CUL9: variants seen among roughly 807,000 people sequenced by gnomAD.
The protein encoded by CUL9 is cullin 9.
A neutral mutation model predicts 272.6 loss-of-function variants in CUL9; 79 were observed. The observed-to-expected ratio is 0.29, with a 90% CI of 0.24 to 0.35. CUL9 has a LOEUF of 0.35. Ranked by LOEUF, CUL9 falls within the 10% of genes least tolerant of loss-of-function variation. The pLI is 1.00. For missense variants in CUL9, 2,532 were observed against 3,255.6 expected, an observed-to-expected ratio of 0.78 and a Z score of 5.41; for synonymous variants, 1,186 against 1,286.5, an observed-to-expected ratio of 0.92 and a Z score of 1.67.
chr6:43,211,367 G>C (rs1775464709), intron 26 of CUL9, among the ~76,000 whole-genome samples: 1 of 152,174 alleles, frequency 6.6e-6, no homozygotes, highest in Non-Finnish European at 1.5e-5. Context: ...AGAGCAGCCT[G>C]GCCAAGATGG....
Position 43,204,981 on chromosome 6 carries a change from C to T in CUL9, c.4498C>T (p.Arg1500Cys), listed in dbSNP as rs764576161. The T allele has an allele frequency of 2.1e-5, 34 of 1,612,048 alleles. No individual in the cohort carries two copies. Among genetic ancestry groups the T allele is most frequent in the Non-Finnish European group, 2.5e-5 (30 of 1,178,794 alleles). Reference protein sequence around the residue: ...AAWRAPDFVPRYCKLYEHLQR... With the variant: ...AAWRAPDFVPCYCKLYEHLQR... The stretch of plus-strand genomic sequence containing the variant: ...TTGGAGGGCCCCAGACTTTGTGCCT[C>T]GTTACTGTAAACTCTATGAGCACTT... Residue 1500 changes from arginine to cysteine, a missense_variant, in exon 23 of 41, where the codon CGT becomes TGT. By Grantham distance (180) the Arg-to-Cys change is radical. Coordinates refer to ENST00000252050, the MANE Select transcript of CUL9 (RefSeq NM_015089.4).
intron 11 of CUL9, among the ~76,000 whole-genome samples, chr6:43,197,696 C>G (rs1231420592): frequency 6.6e-6 from 1 of 151,778 alleles, no homozygotes; most frequent in Non-Finnish European, 1.5e-5. Context: ...GTTGGTCAGG[C>G]CGGTTTTGAA....
chr6:43,221,578 C>T lies in CUL9; in HGVS notation c.6753-107C>T, dbSNP rs1335737058. The T allele has an allele frequency of 3.0e-5, 32 of 1,065,462 alleles. No homozygotes were observed. The highest frequency in any genetic ancestry group is 3.9e-5 in the Non-Finnish European group (28 of 725,208). 66.0% of individuals were successfully genotyped at this position (1,065,462 alleles called of 1,614,324 possible). A position where few individuals can be genotyped will look rare whatever the true frequency, so the allele number is the denominator to read the frequency against. ...GGTATGACTAAGGAGACTATCAGGG[C>T]AGGAGCAGAGGCCACAGCATCAACA... On this transcript the variant is annotated intron_variant, in intron 34 of 40. Coordinates refer to ENST00000252050, the MANE Select transcript of CUL9 (RefSeq NM_015089.4). The surrounding 1 kb of genome is among the most constrained non-coding windows in gnomAD (Gnocchi z 4.2).
rs1376217080 is a variant in CUL9 at position 43,204,944 on chromosome 6, C to A, written c.4461C>A (p.Phe1487Leu). 1 of 1,607,918 alleles carries A rather than the reference C, an allele frequency of 6.2e-7. No individual in the cohort carries two copies. Among genetic ancestry groups the A allele is most frequent in the Admixed American group, 1.7e-5 (1 of 59,450 alleles). ...LSVVQEQVSR[F>L]LAAAWRAPDF... Reference sequence around the variant, plus strand: ...GCCTTTCTCCTCAGGTCAGCAGATTCCTGGCTGCAGCTTGGAGGGCCCCAG... The same window carrying A: ...GCCTTTCTCCTCAGGTCAGCAGATTACTGGCTGCAGCTTGGAGGGCCCCAG... Residue 1487 changes from phenylalanine to leucine, a missense_variant, in exon 23 of 41, where the codon TTC becomes TTA. By Grantham distance (22) the Phe-to-Leu change is conservative. Transcript: ENST00000252050.
intron 31 of CUL9, among the ~76,000 whole-genome samples, chr6:43,217,688 CT>C (rs1408431963): frequency 3.3e-5 from 5 of 152,210 alleles, no homozygotes; most frequent in African/African-American, 9.6e-5. Context: ...GGCTGTGCTT[CT>C]GGCTTCTCCT....
At position 43,201,657 on chromosome 6, in the gene CUL9, T is replaced by A. The variant is rs1019243965; in HGVS notation, c.3647+823T>A. Among the ~76,000 whole-genome samples the A allele has an allele frequency of 4.6e-5, 7 of 152,224 alleles. No homozygotes were observed. In the East Asian group the frequency reaches 1.2e-3, roughly 25 times the overall value. On this transcript the variant is annotated intron_variant, in intron 16 of 40. Coordinates refer to ENST00000252050, the MANE Select transcript of CUL9 (RefSeq NM_015089.4). ...ACCACGCCTGGCTAATTTTTTGTAT[T>A]TTTAGTAGAGACGGGGTTTCACCGT...
Position 43,184,705 on chromosome 6 carries a change from A to C in CUL9, c.395A>C (p.Glu132Ala). The change falls in exon 2 of 41, where the codon GAA becomes GCA. Residue 132 changes from glutamate to alanine, a missense_variant. Physicochemically the swap from Glu to Ala is moderately radical, Grantham distance 107. Around this residue, in one of 3 missense-constraint regions of CUL9, gnomAD observed 2,218 missense variants for 2,788.6 expected, o/e 0.80. Transcript: ENST00000252050. This position sits in a 1 kb window ranked among gnomAD's most constrained non-coding sequence, Gnocchi z 4.8. ...CGCAGGGCGGCCAGGCAGCTGGCAG[A>C]AAGTGGGACCCCAAGCCTCACGGCC... ...LVRRAARQLAESGTPSLTAAV... is the reference protein window; with the variant it reads ...LVRRAARQLAASGTPSLTAAV... 4 of 1,613,900 alleles carry C rather than the reference A, an allele frequency of 2.5e-6. No individual in the cohort carries two copies. The highest frequency in any genetic ancestry group is 3.4e-6 in the Non-Finnish European group (4 of 1,179,782).
intron 4 of CUL9, 98 bp from the exon 5 acceptor site, chr6:43,186,862 G>C: frequency 6.8e-7 from 1 of 1,471,172 alleles, no homozygotes; most frequent in African/African-American, 1.4e-5. Context: ...GTGCGCCCCA[G>C]ATCTATGCTT....
chr6:43,184,518 C>T lies in CUL9; in HGVS notation c.208C>T (p.Pro70Ser), dbSNP rs373954536. 1 of 1,612,650 alleles carries T rather than the reference C, an allele frequency of 6.2e-7. No homozygotes were observed. The highest frequency in any genetic ancestry group is 8.5e-7 in the Non-Finnish European group (1 of 1,178,974). The change falls in exon 2 of 41, where the codon CCT becomes TCT. Residue 70 changes from proline to serine, a missense_variant. Physicochemically the swap from Pro to Ser is moderately conservative, Grantham distance 74. Transcript: ENST00000252050. The surrounding 1 kb of genome is among the most constrained non-coding windows in gnomAD (Gnocchi z 4.8). ...GCACATCCTCATGTGGCTGTCGGCTCCTGAGGTCTACGCCAACTGCCCTGG... is the reference window on the plus strand; with the variant it reads ...GCACATCCTCATGTGGCTGTCGGCTTCTGAGGTCTACGCCAACTGCCCTGG... ...AEHILMWLSA[P>S]EVYANCPGLL...
chr6:43,200,044 A>T lies in CUL9; in HGVS notation c.3272A>T (p.His1091Leu), dbSNP rs754194328. The T allele has an allele frequency of 6.2e-7, 1 of 1,614,130 alleles. No homozygotes were observed. The highest frequency in any genetic ancestry group is 1.7e-5 in the Admixed American group (1 of 60,016). The part of the protein sequence containing the change: ...KEILSKVLDK[H>L]SAQLLLGCEL... ...ATCCTCTCCAAAGTCCTGGACAAGCACTCAGCTCAGCTGCTGCTGGGCTGT... is the reference window on the plus strand; with the variant it reads ...ATCCTCTCCAAAGTCCTGGACAAGCTCTCAGCTCAGCTGCTGCTGGGCTGT... Residue 1091 changes from histidine to leucine, a missense_variant, in exon 14 of 41, where the codon CAC becomes CTC. By Grantham distance (99) the His-to-Leu change is moderately conservative. This residue lies in a region of CUL9 where 2,218 missense variants were observed against 2,788.6 expected (regional missense o/e 0.80). Coordinates refer to ENST00000252050, the MANE Select transcript of CUL9 (RefSeq NM_015089.4). The surrounding 1 kb of genome is among the most constrained non-coding windows in gnomAD (Gnocchi z 4.0).
chr6:43,214,977 A>C, intron 29 of CUL9, 102 bp from the exon 30 acceptor site: 1 of 1,170,392 alleles, frequency 8.5e-7, no homozygotes. Context: ...ACTGTCTCTT[A>C]AAAAAAAAGG....
In CUL9 at chr6:43,199,788, A is replaced by G. The variant is rs1774355431; in HGVS notation, c.3157-141A>G. Reference sequence around the variant, plus strand: ...ACTCCTCTATTTTACTCCACCCTGAATTTGGTACTCTTGTTTCCCTGGGCG... The same window carrying G: ...ACTCCTCTATTTTACTCCACCCTGAGTTTGGTACTCTTGTTTCCCTGGGCG... On this transcript the variant is annotated intron_variant, in intron 13 of 40. Coordinates refer to ENST00000252050, the MANE Select transcript of CUL9 (RefSeq NM_015089.4). The surrounding 1 kb of genome is among the most constrained non-coding windows in gnomAD (Gnocchi z 4.4). The G allele has an allele frequency of 1.6e-5, 11 of 689,454 alleles. No individual in the cohort carries two copies. Among genetic ancestry groups the G allele is most frequent in the Non-Finnish European group, 2.8e-5 (11 of 396,736 alleles). The allele number at this position is 689,454 out of a possible 1,614,324, so 42.7% of individuals were successfully genotyped here. A position where few individuals can be genotyped will look rare whatever the true frequency, so the allele number is the denominator to read the frequency against.
intron 8 of CUL9, among the ~76,000 whole-genome samples, chr6:43,192,484 A>G (rs1324136202): frequency 6.6e-6 from 1 of 152,200 alleles, no homozygotes; most frequent in African/African-American, 2.4e-5. Flanking sequence ...CAGTCTGGGA[A>G]ACATAGCGAA....
At position 43,186,117 on chromosome 6, in the gene CUL9, G is replaced by A. The variant is rs760749913; in HGVS notation, c.913G>A (p.Ala305Thr). Residue 305 changes from alanine to threonine, a missense_variant, in exon 4 of 41, where the codon GCT (alanine) becomes ACT (threonine). By Grantham distance (58) the Ala-to-Thr change is moderately conservative (BLOSUM62 0). This residue lies in a region of CUL9 where 2,218 missense variants were observed against 2,788.6 expected (regional missense o/e 0.80). Transcript: ENST00000252050. ...RGQRELEFSM[A>T]VGNLISELVR... ...ACAGCGGGAACTGGAGTTCAGCATG[G>A]CTGTGGGCAACCTCATCTCTGAGCT... 5.6e-6 allele frequency: 9 copies of A among 1,614,250 alleles called. No individual in the cohort carries two copies. In the East Asian group the frequency reaches 1.8e-4, roughly 32 times the overall value.
Position 43,224,569 on chromosome 6 carries a change from G to T in CUL9, c.*124G>T. On this transcript the variant is annotated 3_prime_UTR_variant, in exon 41 of 41. Transcript: ENST00000252050. The surrounding 1 kb of genome is among the most constrained non-coding windows in gnomAD (Gnocchi z 4.2). ...TAGTGCTTCCTGTTTGCTGAATAAAGGTCTCTTTCTCACACACATCTCTGG... is the reference window on the plus strand; with the variant it reads ...TAGTGCTTCCTGTTTGCTGAATAAATGTCTCTTTCTCACACACATCTCTGG... 1 of 927,802 alleles carries T rather than the reference G, an allele frequency of 1.1e-6. No individual in the cohort carries two copies. The highest frequency in any genetic ancestry group is 1.6e-6 in the Non-Finnish European group (1 of 633,242). The allele number at this position is 927,802 out of a possible 1,614,324, so 57.5% of individuals were successfully genotyped here. A position where few individuals can be genotyped will look rare whatever the true frequency, so the allele number is the denominator to read the frequency against.
At chr6:43,217,373 A>G (rs1399090378) in intron 31 of CUL9, among the ~76,000 whole-genome samples, 2 of 152,182 alleles carry the variant, frequency 1.3e-5, no homozygotes, top group African/African-American at 4.8e-5. Context: ...TTCTTGCTCT[A>G]TAGGCTTGCT....
At chr6:43,196,352 A>G in intron 10 of CUL9, 87 bp downstream of exon 10, 1 of 1,312,020 alleles carries the variant, frequency 7.6e-7, no homozygotes, top group Non-Finnish European at 1.0e-6. Flanking sequence ...ACTCCACAGA[A>G]ATTCCCCTCA....
At position 43,193,064 on chromosome 6, in the gene CUL9, C is replaced by A. The variant is rs1047805930; in HGVS notation, c.2244C>A (p.Val748=). 1 of 1,614,162 alleles carries A rather than the reference C, an allele frequency of 6.2e-7. No individual in the cohort carries two copies. The highest frequency in any genetic ancestry group is 1.1e-5 in the South Asian group (1 of 91,074). Residue 748 remains valine (V), a synonymous_variant, in exon 9 of 41, where the codon GTC becomes GTA. Transcript: ENST00000252050. The stretch of plus-strand genomic sequence containing the variant: ...ACCAGGTGGGAGAGAAGATGGTGGT[C>A]GTGCAGGCCCTGCGCCTCCTTTACC... The part of the protein sequence containing the change: ...LTNQVGEKMV[V]VQALRLLYLL...
In CUL9 at chr6:43,203,978, A is replaced by G. The variant is rs754624059; in HGVS notation, c.4150A>G (p.Thr1384Ala). 6.3e-7 allele frequency: 1 copy of G among 1,599,566 alleles called. No individual in the cohort carries two copies. Among genetic ancestry groups the G allele is most frequent in the African/African-American group, 1.3e-5 (1 of 74,546 alleles). The change falls in exon 20 of 41, where the codon ACC (threonine) becomes GCC (alanine). Residue 1384 changes from threonine (T) to alanine (A), a missense_variant. Thr to Ala is a moderately conservative substitution (Grantham distance 58). This residue lies in a region of CUL9 where 2,218 missense variants were observed against 2,788.6 expected (regional missense o/e 0.80). Transcript: ENST00000252050. The surrounding 1 kb of genome is among the most constrained non-coding windows in gnomAD (Gnocchi z 5.0). ...GGTCAGCCCCCTGGTGCAGAACATC[A>G]CCTCTCCCGGTAACCATGCTGACAC... is the stretch of plus-strand genomic sequence containing the variant. ...ALVSPLVQNI[T>A]SPDAEGVSAL...
Sources: allele counts gnomAD v4.1 joint callset (sites outside exome capture counted in the v4.1 genomes callset), GRCh38; gene constraint gnomAD v4.1.1; regional missense constraint gnomAD v4.1.1; non-coding constraint Gnocchi (gnomAD v3.1); transcripts MANE v1.5; gene names NCBI Gene and HGNC (gene_info 2026-07-23, HGNC 2026-07-21).